Variants in OGDH observed in about 807,000 individuals in gnomAD.
The protein encoded by OGDH is oxoglutarate dehydrogenase.
A neutral mutation model predicts 116.6 loss-of-function variants in OGDH; 38 were observed. The observed-to-expected ratio is 0.33, with a 90% CI of 0.25 to 0.43. The LOEUF (loss-of-function observed/expected upper bound fraction) is 0.43, where lower values mean the gene tolerates loss of function less well. Ranked by LOEUF, OGDH falls within the 20% of genes least tolerant of loss-of-function variation. The pLI is 1.00. For missense variants in OGDH, 825 were observed against 1,357.2 expected, an observed-to-expected ratio of 0.61 and a Z score of 6.16; for synonymous variants, 488 against 533.3, an observed-to-expected ratio of 0.92 and a Z score of 1.17.
In OGDH at chr7:44,656,167, T is replaced by G. The variant is rs941427397; in HGVS notation, c.517+8408T>G. 5 of 678,940 alleles carry G rather than the reference T, an allele frequency of 7.4e-6. 1 individual carries two copies. In the African/African-American group the frequency reaches 9.0e-5, roughly 12 times the overall value. 42.1% of individuals were successfully genotyped at this position (678,940 alleles called of 1,614,324 possible). On this transcript the variant is annotated intron_variant, in intron 4 of 22. Coordinates refer to ENST00000222673, the MANE Select transcript of OGDH (RefSeq NM_002541.4). Reference sequence around the variant, plus strand: ...ACCATGTAACCCACCCACTTCTCCCTTGATGTGTGTGTGTGTCCCTGTGAT... The same window carrying G: ...ACCATGTAACCCACCCACTTCTCCCGTGATGTGTGTGTGTGTCCCTGTGAT...
rs766227576 is a variant in OGDH at position 44,676,032 on chromosome 7, C to T, written c.1089C>T (p.Asp363=). 1.2e-6 allele frequency: 2 copies of T among 1,614,138 alleles called. No homozygotes were observed. Among genetic ancestry groups the T allele is most frequent in the South Asian group, 1.1e-5 (1 of 91,080 alleles). The change falls in exon 9 of 23, where the codon GAC becomes GAT. Residue 363 remains aspartate (D), a synonymous_variant. Transcript: ENST00000222673. Reference sequence around the variant, plus strand: ...ACCGCAGGATCAATCGTGTCACCGACAGGAACATTACCTTGTCCTTGGTGG... The same window carrying T: ...ACCGCAGGATCAATCGTGTCACCGATAGGAACATTACCTTGTCCTTGGTGG... The part of the protein sequence containing the change: ...MYHRRINRVT[D]RNITLSLVAN...
intron 5 of OGDH, among the ~76,000 whole-genome samples, chr7:44,670,237 G>A (rs578106247): frequency 3.5e-4 from 54 of 152,240 alleles, no homozygotes; most frequent in African/African-American, 1.2e-3. Flanking sequence ...TTCTGCCACC[G>A]TCAGGTGTAA....
intron 20 of OGDH, among the ~76,000 whole-genome samples, chr7:44,703,334 G>T (rs984919256): frequency 6.6e-6 from 1 of 152,076 alleles, no homozygotes; most frequent in Non-Finnish European, 1.5e-5. Flanking sequence ...CTTGAACCCG[G>T]GAGGCAGAGG....
chr7:44,658,507 T>G (rs1272725786), intron 4 of OGDH, among the ~76,000 whole-genome samples: 1 of 151,012 alleles, frequency 6.6e-6, no homozygotes, highest in Non-Finnish European at 1.5e-5. Flanking sequence ...AGTCATGTCA[T>G]CTGAAAATAG....
At chr7:44,639,304 T>G in intron 2 of OGDH, among the ~76,000 whole-genome samples, 1 of 148,910 alleles carries the variant, frequency 6.7e-6, no homozygotes, top group Admixed American at 6.7e-5. Flanking sequence ...AACAGGGAGG[T>G]GGAAAGAGAG....
chr7:44,624,728 A>G (rs1485558553), intron 2 of OGDH, among the ~76,000 whole-genome samples, 163 bp downstream of exon 2: 1 of 152,154 alleles, frequency 6.6e-6, no homozygotes, highest in Non-Finnish European at 1.5e-5. Flanking sequence ...TAGCCCCAGC[A>G]GAAGCCATGG....
At chr7:44,621,803 G>A (rs1405826498) in intron 1 of OGDH, among the ~76,000 whole-genome samples, 2 of 150,980 alleles carry the variant, frequency 1.3e-5, no homozygotes, top group Non-Finnish European at 3.0e-5. Context: ...ACCTGGGATG[G>A]GAGGTTGCAC....
chr7:44,700,359 G>A (rs1229897179), intron 19 of OGDH, 90 bp downstream of exon 19: 6 of 1,533,054 alleles, frequency 3.9e-6, no homozygotes, highest in East Asian at 4.5e-5. Flanking sequence ...CTTGCTTGGG[G>A]TTAGCTAGGT....
chr7:44,667,930 A>G (rs1342308963), intron 5 of OGDH, among the ~76,000 whole-genome samples: 6 of 151,996 alleles, frequency 3.9e-5, no homozygotes, highest in Non-Finnish European at 8.8e-5. Context: ...GTTGAACCAC[A>G]CTGGCCATCA....
At chr7:44,688,327 C>T (rs1005059866) in intron 10 of OGDH, among the ~76,000 whole-genome samples, 9 of 151,902 alleles carry the variant, frequency 5.9e-5, no homozygotes, top group Non-Finnish European at 1.3e-4. Context: ...GCCGAGATCA[C>T]GCCATTGCAC....
chr7:44,692,781 T>C (rs930101363), intron 10 of OGDH, among the ~76,000 whole-genome samples: 2 of 152,136 alleles, frequency 1.3e-5, no homozygotes, highest in Non-Finnish European at 2.9e-5. Flanking sequence ...ACACCTGTAA[T>C]CCCAGCATTT....
intron 20 of OGDH, among the ~76,000 whole-genome samples, chr7:44,705,603 A>G (rs372774817): frequency 6.6e-5 from 10 of 152,072 alleles, no homozygotes; most frequent in East Asian, 1.9e-4. Context: ...GGCTGATGCA[A>G]TCGTAGCTCA....
intron 14 of OGDH, 37 bp downstream of exon 14, chr7:44,696,594 G>T: frequency 6.2e-7 from 1 of 1,613,150 alleles, no homozygotes; most frequent in Non-Finnish European, 8.5e-7. Context: ...AAATGTTGGG[G>T]CCCAGGCCAG....
intron 10 of OGDH, among the ~76,000 whole-genome samples, chr7:44,687,765 A>G (rs907906560): frequency 1.3e-5 from 2 of 152,116 alleles, no homozygotes; most frequent in Non-Finnish European, 2.9e-5. Flanking sequence ...GCTTTATTAA[A>G]TGTAGTTCAC....
rs541720170 is a variant in OGDH, at chr7:44,612,853, G to T, written c.-28+6200G>T. Among the ~76,000 whole-genome samples the T allele has an allele frequency of 4.0e-4, 59 of 148,592 alleles. 1 individual carries two copies. Among genetic ancestry groups the T allele is most frequent in the Admixed American group, 8.7e-4 (13 of 14,940 alleles). On this transcript the variant is annotated intron_variant, in intron 1 of 22. Coordinates refer to ENST00000222673, the MANE Select transcript of OGDH (RefSeq NM_002541.4). ...TGGGACTGCAGGCACGTACCACCAC[G>T]CCTGGCTGTTTTTTTTCTTTTCTTT...
rs1164507448 is a variant in OGDH at position 44,671,643 on chromosome 7, C to T, written c.634-2144C>T. Reference sequence around the variant, plus strand: ...ATTAGCCGGGCGTGGTGGCATGCACCTATAGTCCCAGCTACTCGGGAGGCT... The same window carrying T: ...ATTAGCCGGGCGTGGTGGCATGCACTTATAGTCCCAGCTACTCGGGAGGCT... On this transcript the variant is annotated intron_variant, in intron 5 of 22. Transcript: ENST00000222673. Among the ~76,000 whole-genome samples the T allele has an allele frequency of 4.6e-5, 7 of 150,836 alleles. No homozygotes were observed. The Admixed American group carries it at 4.6e-4, about 10-fold the overall frequency.
In OGDH at chr7:44,697,260, A is replaced by G. The variant is rs1470946003; in HGVS notation, c.2052-110A>G. 3 of 1,510,534 alleles carry G rather than the reference A, an allele frequency of 2.0e-6. No individual in the cohort carries two copies. The Admixed American group carries it at 5.4e-5, about 27-fold the overall frequency. The allele number at this position is 1,510,534 out of a possible 1,614,324, so 93.6% of individuals were successfully genotyped here. On this transcript the variant is annotated intron_variant, in intron 15 of 22. Transcript: ENST00000222673. This position sits in a 1 kb window ranked among gnomAD's most constrained non-coding sequence, Gnocchi z 6.0. ...GGGCCGACCCTGCAGCTGCCTGGCC[A>G]GAAGTCCAGGTCACAGAGCATGGCA...
intron 20 of OGDH, among the ~76,000 whole-genome samples, chr7:44,702,447 A>G (rs371813941): frequency 7.6e-4 from 116 of 152,120 alleles, no homozygotes; most frequent in Admixed American, 1.6e-3. Flanking sequence ...ATGTTGACAC[A>G]GCCTTTACCA....
At chr7:44,701,429 A>G (rs1048260152) in intron 19 of OGDH, 114 bp from the exon 20 acceptor site, 24 of 795,910 alleles carry the variant, frequency 3.0e-5, no homozygotes, top group Middle Eastern at 4.5e-4. Context: ...GTTGAGTGGG[A>G]GGGCAGGTGT....
Sources: allele counts gnomAD v4.1 joint callset (sites outside exome capture counted in the v4.1 genomes callset), GRCh38; gene constraint gnomAD v4.1.1; non-coding constraint Gnocchi (gnomAD v3.1); transcripts MANE v1.5; gene names NCBI Gene and HGNC (gene_info 2026-07-23, HGNC 2026-07-21).